The following PLPPR5 variants were observed in gnomAD, a reference collection of about 807,000 sequenced individuals.
PLPPR5 encodes the protein phospholipid phosphatase-related protein type 5.
Under a neutral mutation model 33.9 loss-of-function variants are expected in PLPPR5, and 16 were observed. That is an observed-to-expected ratio of 0.47 (90% CI 0.32 to 0.72). The LOEUF (loss-of-function observed/expected upper bound fraction) is 0.72. Ranked by LOEUF, PLPPR5 falls within the 30% of genes least tolerant of loss-of-function variation. The probability of loss-of-function intolerance (pLI) is 0.03; values close to 1 mark genes in which losing one functional copy is unlikely to be tolerated. For synonymous variants in PLPPR5, 163 were observed against 150.3 expected (o/e 1.08, Z -0.62); for missense variants, 301 against 406.7 (o/e 0.74, Z 2.23).
intron 1 of PLPPR5, among the ~76,000 whole-genome samples, chr1:98,988,023 CA>C (rs1467939510): frequency 6.6e-6 from 1 of 151,994 alleles, no homozygotes; most frequent in African/African-American, 2.4e-5. Context: ...GTTATTTGCA[CA>C]AGTGCAGTAA....
chr1:98,959,149 T>G (rs1651133189), intron 1 of PLPPR5, among the ~76,000 whole-genome samples: 1 of 152,250 alleles, frequency 6.6e-6, no homozygotes, highest in Non-Finnish European at 1.5e-5. Flanking sequence ...TGATGAAGGA[T>G]CTATCCTGTA....
At chr1:98,971,743 T>C (rs1651669353) in intron 1 of PLPPR5, among the ~76,000 whole-genome samples, 1 of 152,022 alleles carries the variant, frequency 6.6e-6, no homozygotes, top group African/African-American at 2.4e-5. Context: ...GGCACCAAGG[T>C]CTACAACTCT....
chr1:98,900,744 G>A (rs889236115), intron 5 of PLPPR5, among the ~76,000 whole-genome samples: 2 of 152,102 alleles, frequency 1.3e-5, no homozygotes, highest in Admixed American at 6.6e-5. Context: ...TGTGGATAAT[G>A]GACCAAGTGC....
chr1:98,967,706 G>A (rs1651498953), intron 1 of PLPPR5, among the ~76,000 whole-genome samples: 1 of 152,044 alleles, frequency 6.6e-6, no homozygotes, highest in African/African-American at 2.4e-5. Context: ...GCTGTTGTGA[G>A]GTTATTGTTA....
At chr1:98,995,507 T>C (rs1652602208) in intron 1 of PLPPR5, among the ~76,000 whole-genome samples, 1 of 152,058 alleles carries the variant, frequency 6.6e-6, no homozygotes, top group Admixed American at 6.6e-5. Context: ...TTAACTAAAA[T>C]AGCTTGGAGA....
intron 3 of PLPPR5, among the ~76,000 whole-genome samples, chr1:98,952,051 T>G (rs1023762008): frequency 3.3e-5 from 5 of 152,028 alleles, no homozygotes; most frequent in Admixed American, 6.6e-5. Flanking sequence ...TCACTTGAGG[T>G]CTGAAGTTTG....
At chr1:98,980,863 T>G (rs1652039823) in intron 1 of PLPPR5, among the ~76,000 whole-genome samples, 2 of 152,076 alleles carry the variant, frequency 1.3e-5, no homozygotes, top group African/African-American at 4.8e-5. Flanking sequence ...CAACACAAAC[T>G]TTCATAATTG....
intron 5 of PLPPR5, among the ~76,000 whole-genome samples, chr1:98,912,952 A>G (rs114280178): frequency 0.013 from 2,050 of 152,218 alleles, 16 homozygotes; most frequent in Middle Eastern, 0.017. Context: ...AGTACCATGG[A>G]CAAGTAATTA....
At chr1:98,991,595 A>G (rs2100761045) in intron 1 of PLPPR5, among the ~76,000 whole-genome samples, 1 of 152,322 alleles carries the variant, frequency 6.6e-6, no homozygotes, top group South Asian at 2.1e-4. Flanking sequence ...TTCTCAGTTC[A>G]AGAAAAGAAC....
At chr1:98,937,071 G>C (rs1023393870) in intron 3 of PLPPR5, among the ~76,000 whole-genome samples, 2 of 152,172 alleles carry the variant, frequency 1.3e-5, no homozygotes, top group African/African-American at 2.4e-5. Flanking sequence ...ACCTTTTTAA[G>C]AGCCACATTA....
chr1:98,974,789 T>C (rs1443496481), intron 1 of PLPPR5, among the ~76,000 whole-genome samples: 2 of 152,100 alleles, frequency 1.3e-5, no homozygotes, highest in Non-Finnish European at 2.9e-5. Context: ...AAATGCAATT[T>C]CTACTTTGTA....
At chr1:98,911,982 TG>T (rs1218132320) in intron 5 of PLPPR5, among the ~76,000 whole-genome samples, 2 of 152,278 alleles carry the variant, frequency 1.3e-5, no homozygotes, top group South Asian at 4.1e-4. Context: ...CAGCCCAGGG[TG>T]GTCTCGAAAT....
At chr1:98,946,828 T>A (rs1650573634) in intron 3 of PLPPR5, among the ~76,000 whole-genome samples, 1 of 152,198 alleles carries the variant, frequency 6.6e-6, no homozygotes, top group Non-Finnish European at 1.5e-5. Context: ...GAAAATATCA[T>A]AACTTTTTTT....
intron 4 of PLPPR5, among the ~76,000 whole-genome samples, chr1:98,915,258 A>G (rs1458849248): frequency 1.3e-5 from 2 of 152,162 alleles, no homozygotes; most frequent in African/African-American, 4.8e-5. Flanking sequence ...ATAAAAATTC[A>G]TAGCAAGCTA....
chr1:98,920,244 C>T (rs1034796587), intron 4 of PLPPR5, among the ~76,000 whole-genome samples: 4 of 151,968 alleles, frequency 2.6e-5, no homozygotes, highest in East Asian at 3.9e-4. Context: ...GTGGCAATAG[C>T]GACAGATAAA....
Position 98,905,153 on chromosome 1 carries a change from C to T in PLPPR5, c.933+9633G>A, listed in dbSNP as rs549138452. Among the ~76,000 whole-genome samples the T allele has an allele frequency of 1.2e-4, 19 of 152,232 alleles. No individual in the cohort carries two copies. The East Asian group carries it at 3.3e-3, about 26-fold the overall frequency. On this transcript the variant is annotated intron_variant, in intron 5 of 5. Transcript: ENST00000263177. The stretch of plus-strand genomic sequence containing the variant: ...ATTAAACTACTCACTTTCTTAAAGT[C>T]CCTTTATGGAAGGACTTTAAGGAAG...
At chr1:98,956,465 G>C in intron 2 of PLPPR5, 144 bp downstream of exon 2, 1 of 792,578 alleles carries the variant, frequency 1.3e-6, no homozygotes, top group Non-Finnish European at 1.8e-6. Context: ...AGTGTGTAAT[G>C]TTTATTTTTA....
chr1:98,987,024 C>T (rs1321818561), intron 1 of PLPPR5, among the ~76,000 whole-genome samples: 1 of 151,784 alleles, frequency 6.6e-6, no homozygotes, highest in African/African-American at 2.4e-5. Flanking sequence ...TATATAACTT[C>T]CTGTATTTGC....
At chr1:98,895,980 CTAT>C (rs1230282642) in intron 5 of PLPPR5, among the ~76,000 whole-genome samples, 5 of 151,248 alleles carry the variant, frequency 3.3e-5, no homozygotes, top group African/African-American at 1.2e-4. Context: ...GCTAATGAAC[CTAT>C]ATCATAAATG....
Sources: gnomAD v4.1 joint callset for allele counts (sites outside exome capture counted in the v4.1 genomes callset) on GRCh38, gnomAD v4.1.1 for gene constraint, MANE v1.5 for transcripts, NCBI Gene and HGNC (gene_info 2026-07-23, HGNC 2026-07-21) for gene names.